Variants in INPP4B observed in about 807,000 individuals in gnomAD.
INPP4B encodes inositol polyphosphate-4-phosphatase type II B.
In INPP4B, 55 loss-of-function variants were observed where a neutral mutation model predicts 122.5. That is an observed-to-expected ratio of 0.45 (90% CI 0.36 to 0.56). INPP4B has a LOEUF of 0.56. INPP4B is among the 20% of genes least tolerant of loss of function. The probability of loss-of-function intolerance (pLI) is 0.00; values close to 1 mark genes in which losing one functional copy is unlikely to be tolerated. For synonymous variants in INPP4B, 403 were observed against 388.7 expected (o/e 1.04, Z -0.43); for missense variants, 1,000 against 1,097.7 (o/e 0.91, Z 1.26).
At chr4:142,637,232 AC>A (rs985178617) in intron 2 of INPP4B, among the ~76,000 whole-genome samples, 1 of 152,014 alleles carries the variant, frequency 6.6e-6, no homozygotes, top group Non-Finnish European at 1.5e-5. Flanking sequence ...CTTAGGATTC[AC>A]TCTTGTTGTA....
chr4:142,405,476 C>T (rs1487403166), intron 5 of INPP4B, 152 bp from the exon 6 acceptor site: 3 of 610,086 alleles, frequency 4.9e-6, no homozygotes, highest in African/African-American at 3.7e-5. Flanking sequence ...CTTGGAAGTA[C>T]CTTACAGAAA....
chr4:142,064,576 C>A (rs748726289), intron 25 of INPP4B, among the ~76,000 whole-genome samples: 6 of 152,104 alleles, frequency 3.9e-5, no homozygotes, highest in Non-Finnish European at 8.8e-5. Context: ...ATTTCAAGAG[C>A]AGCTGCTATA....
In INPP4B at chr4:142,028,748, ATT is replaced by A. The variant is rs1737838148; in HGVS notation, c.*32_*33del. On this transcript the variant is annotated 3_prime_UTR_variant, in exon 26 of 26. Coordinates refer to ENST00000262992, the MANE Select transcript of INPP4B (RefSeq NM_001101669.3). ...GGTGAAGATTATCCAACTGAAATGT[ATT>A]TGTGTTCCTGTTTATTAACATGTTG... 1 of 1,591,230 alleles carries A rather than the reference ATT, an allele frequency of 6.3e-7. No homozygotes were observed. Among genetic ancestry groups the A allele is most frequent in the Non-Finnish European group, 8.5e-7 (1 of 1,170,152 alleles).
At chr4:142,292,752 G>T (rs1319579365) in intron 9 of INPP4B, among the ~76,000 whole-genome samples, 1 of 152,132 alleles carries the variant, frequency 6.6e-6, no homozygotes, top group Non-Finnish European at 1.5e-5. Context: ...CTCTAAAGAA[G>T]TGTGTTTACT....
chr4:142,381,448 A>G (rs1579905189), intron 7 of INPP4B, among the ~76,000 whole-genome samples: 1 of 152,040 alleles, frequency 6.6e-6, no homozygotes, highest in African/African-American at 2.4e-5. Flanking sequence ...TGAAATCCGA[A>G]CTCTCTATAT....
chr4:142,305,383 T>A, intron 9 of INPP4B, 75 bp downstream of exon 9: 1 of 1,154,424 alleles, frequency 8.7e-7, no homozygotes, highest in Non-Finnish European at 1.3e-6. Flanking sequence ...AATTGTGACT[T>A]TCAAACACAC....
chr4:142,023,333 T>C lies in INPP4B; in HGVS notation c.*5449A>G, dbSNP rs950103888. 1 of 152,098 alleles carries C rather than the reference T, an allele frequency of 6.6e-6. No individual in the cohort carries two copies. Among genetic ancestry groups the C allele is most frequent in the African/African-American group, 2.4e-5 (1 of 41,430 alleles). The allele number at this position is 152,098 out of a possible 1,614,324, so 9.4% of individuals were successfully genotyped here. A position where few individuals can be genotyped will look rare whatever the true frequency, so the allele number is the denominator to read the frequency against. ...ACATTATTGATTCATCTAAAATACATATATAACATAAAAAGAAAACAAATG... is the reference window on the plus strand; with the variant it reads ...ACATTATTGATTCATCTAAAATACACATATAACATAAAAAGAAAACAAATG... On this transcript the variant is annotated 3_prime_UTR_variant, in exon 26 of 26. Coordinates refer to ENST00000262992, the MANE Select transcript of INPP4B (RefSeq NM_001101669.3).
At chr4:142,630,373 A>C (rs1580557033) in intron 2 of INPP4B, among the ~76,000 whole-genome samples, 1 of 152,166 alleles carries the variant, frequency 6.6e-6, no homozygotes, top group Admixed American at 6.6e-5. Context: ...TTTTAAATCA[A>C]ATTAAATATT....
intron 4 of INPP4B, among the ~76,000 whole-genome samples, chr4:142,430,554 C>T (rs1006326387): frequency 2.0e-5 from 3 of 152,016 alleles, no homozygotes; most frequent in Admixed American, 6.6e-5. Flanking sequence ...AACAATAAAA[C>T]CCAAACCCTA....
intron 19 of INPP4B, among the ~76,000 whole-genome samples, chr4:142,124,328 C>T (rs142008194): frequency 4.5e-4 from 69 of 152,180 alleles, no homozygotes; most frequent in Non-Finnish European, 7.4e-4. Flanking sequence ...ACTTCCTTCA[C>T]GGACTTCATG....
At chr4:142,498,005 T>C (rs1386609431) in intron 2 of INPP4B, among the ~76,000 whole-genome samples, 1 of 152,094 alleles carries the variant, frequency 6.6e-6, no homozygotes, top group Non-Finnish European at 1.5e-5. Context: ...AGTCAAAGCA[T>C]ATGTTATGCA....
chr4:142,123,940 C>A (rs1797634824), intron 19 of INPP4B, among the ~76,000 whole-genome samples: 1 of 151,938 alleles, frequency 6.6e-6, no homozygotes, highest in Non-Finnish European at 1.5e-5. Context: ...AAAGAGAAGT[C>A]TTCTTTTTCT....
intron 11 of INPP4B, among the ~76,000 whole-genome samples, chr4:142,254,001 G>C (rs1734082513): frequency 6.6e-6 from 1 of 151,508 alleles, no homozygotes; most frequent in African/African-American, 2.4e-5. Flanking sequence ...CTCGCAGCTA[G>C]AGATCTGAGA....
intron 15 of INPP4B, 66 bp from the exon 16 acceptor site, chr4:142,173,875 G>T (rs2152951926): frequency 3.3e-6 from 4 of 1,221,834 alleles, no homozygotes; most frequent in Non-Finnish European, 4.8e-6. Flanking sequence ...CTTAATATCA[G>T]ATGGCAAATG....
intron 7 of INPP4B, among the ~76,000 whole-genome samples, chr4:142,339,945 A>G (rs1778099264): frequency 6.6e-6 from 1 of 152,330 alleles, no homozygotes; most frequent in South Asian, 2.1e-4. Flanking sequence ...GGAACAAATT[A>G]TAGTTAGCAA....
intron 25 of INPP4B, among the ~76,000 whole-genome samples, chr4:142,034,358 G>T (rs1742449187): frequency 6.6e-6 from 1 of 152,060 alleles, no homozygotes; most frequent in South Asian, 2.1e-4. Flanking sequence ...GCATAGGACA[G>T]TCCCTGCCAC....
intron 8 of INPP4B, chr4:142,305,781 G>C: frequency 7.7e-7 from 1 of 1,301,220 alleles, no homozygotes; most frequent in Non-Finnish European, 9.8e-7. Flanking sequence ...ATAACAAGAG[G>C]TAAAATACAG....
chr4:142,223,604 G>A (rs1240364457), intron 12 of INPP4B, among the ~76,000 whole-genome samples: 1 of 152,126 alleles, frequency 6.6e-6, no homozygotes, highest in African/African-American at 2.4e-5. Context: ...GACACTAAGT[G>A]CTCTACAGGA....
At chr4:142,083,825 TATA>T (rs1775373311) in intron 24 of INPP4B, among the ~76,000 whole-genome samples, 1 of 152,044 alleles carries the variant, frequency 6.6e-6, no homozygotes, top group African/African-American at 2.4e-5. Flanking sequence ...TAACTATATT[TATA>T]ATAATAAAAT....
Sources: gnomAD v4.1 joint callset for allele counts (sites outside exome capture counted in the v4.1 genomes callset) on GRCh38, gnomAD v4.1.1 for gene constraint, MANE v1.5 for transcripts, NCBI Gene and HGNC (gene_info 2026-07-23, HGNC 2026-07-21) for gene names.